The following TANC1 variants were observed in gnomAD, a reference collection of about 807,000 sequenced individuals.
TANC1 encodes protein TANC1.
Under a neutral mutation model 149.7 loss-of-function variants are expected in TANC1, and 77 were observed. That is an observed-to-expected ratio of 0.51 (90% confidence interval 0.43 to 0.62). The LOEUF (loss-of-function observed/expected upper bound fraction) is 0.62. TANC1 is among the 20% of genes least tolerant of loss of function. The pLI, the probability that TANC1 is intolerant of heterozygous loss-of-function variation, is 0.00. For synonymous variants in TANC1, 854 were observed against 925.0 expected (o/e 0.92, Z 1.39); for missense variants, 1,985 against 2,321.8 (o/e 0.85, Z 2.98).
At chr2:159,095,199 G>C (rs1454304621) in intron 3 of TANC1, among the ~76,000 whole-genome samples, 4 of 152,040 alleles carry the variant, frequency 2.6e-5, no homozygotes, top group Non-Finnish European at 4.4e-5. Context: ...GCTTGCTTCG[G>C]CCTCCCAAAA....
chr2:159,103,328 T>TC (rs1348599180), intron 4 of TANC1, among the ~76,000 whole-genome samples: 1 of 95,978 alleles, frequency 1.0e-5, no homozygotes, highest in African/African-American at 2.9e-5. Flanking sequence ...AGTGCCCACT[T>TC]CCTTTCCAGA....
intron 1 of TANC1, among the ~76,000 whole-genome samples, chr2:158,996,014 TTCTG>T (rs770017972): frequency 3.3e-5 from 5 of 152,226 alleles, no homozygotes; most frequent in East Asian, 1.9e-4. Flanking sequence ...CACAGCAGTC[TTCTG>T]TCTGTTACTT....
At chr2:159,169,973 A>G (rs185770894) in intron 9 of TANC1, among the ~76,000 whole-genome samples, 221 of 151,910 alleles carry the variant, frequency 1.5e-3, no homozygotes, top group Non-Finnish European at 2.4e-3. Flanking sequence ...AGCCTGGGCA[A>G]CAAGAGTGAA....
chr2:159,174,993 C>T lies in TANC1; in HGVS notation c.1544C>T (p.Thr515Ile). The change falls in exon 12 of 27, where the codon ACT (threonine) becomes ATT (isoleucine). Residue 515 changes from threonine (T) to isoleucine (I), a missense_variant. By Grantham distance (89) the Thr-to-Ile change is moderately conservative. This residue lies in a region of TANC1 where 508 missense variants were observed against 714.2 expected (regional missense o/e 0.71). Transcript: ENST00000263635. ...TACTGCCAGGCTGACAACACGTACA[C>T]TTGCCTGGTGCCCGAGTTTGTGCAC... ...YHYCQADNTY[T>I]CLVPEFVHSI... 6.2e-7 allele frequency: 1 copy of T among 1,614,192 alleles called. No individual in the cohort carries two copies. The highest frequency in any genetic ancestry group is 8.5e-7 in the Non-Finnish European group (1 of 1,180,042).
At chr2:159,145,404 C>A (rs1323626096) in intron 5 of TANC1, among the ~76,000 whole-genome samples, 3 of 152,310 alleles carry the variant, frequency 2.0e-5, no homozygotes, top group Non-Finnish European at 1.5e-5. Context: ...CTGTTTCTCA[C>A]ACACATTGGT....
At chr2:159,095,731 CT>C (rs1350075776) in intron 3 of TANC1, among the ~76,000 whole-genome samples, 1 of 38,712 alleles carries the variant, frequency 2.6e-5, no homozygotes, top group South Asian at 1.4e-3. Context: ...GCAAGACTGT[CT>C]CAAAAAAAAA....
chr2:159,176,907 ATTTTT>A (rs10647127), intron 13 of TANC1, among the ~76,000 whole-genome samples: 1 of 101,986 alleles, frequency 9.8e-6, no homozygotes, highest in East Asian at 3.2e-4. Flanking sequence ...AAGGTGAAAG[ATTTTT>A]TTTTTTTTTT....
In TANC1 at chr2:159,136,188, C is replaced by T. The variant is rs2288105; in HGVS notation, c.260-6C>T. ...ATTAGCCACACTCAGATCTTTCCCA[C>T]TACAGGTCCCGTCAGGAAGCCCAAG... is the stretch of plus-strand genomic sequence containing the variant. On this transcript the variant is annotated splice_region_variant and splice_polypyrimidine_tract_variant and intron_variant, in intron 4 of 26. Transcript: ENST00000263635. 169,522 of 1,566,156 alleles carry T rather than the reference C, an allele frequency of 0.11. 14,434 individuals are homozygous for T. The highest frequency in any genetic ancestry group is 0.49 in the East Asian group (22,060 of 44,662).
At chr2:159,033,514 G>A (rs1304777965) in intron 2 of TANC1, among the ~76,000 whole-genome samples, 1 of 152,162 alleles carries the variant, frequency 6.6e-6, no homozygotes, top group African/African-American at 2.4e-5. Context: ...TAGTACAGAT[G>A]GGATACACTT....
intron 19 of TANC1, among the ~76,000 whole-genome samples, chr2:159,214,782 G>A (rs962031970): frequency 1.3e-5 from 2 of 152,160 alleles, no homozygotes; most frequent in African/African-American, 2.4e-5. Flanking sequence ...GTCCACCACC[G>A]CTTTAGTGCT....
At chr2:159,079,547 G>C (rs1378948173) in intron 3 of TANC1, among the ~76,000 whole-genome samples, 3 of 152,094 alleles carry the variant, frequency 2.0e-5, no homozygotes, top group African/African-American at 4.8e-5. Flanking sequence ...CAGCCAGGCT[G>C]CTTGGGTTCA....
intron 2 of TANC1, among the ~76,000 whole-genome samples, chr2:159,047,363 T>C (rs1460687448): frequency 6.6e-6 from 1 of 152,058 alleles, no homozygotes; most frequent in Admixed American, 6.5e-5. Context: ...GCTGATTACA[T>C]TTTATCTTAA....
chr2:159,099,238 T>G (rs1043556873), intron 4 of TANC1, among the ~76,000 whole-genome samples: 4 of 152,312 alleles, frequency 2.6e-5, no homozygotes, highest in Admixed American at 1.3e-4. Flanking sequence ...TAATTTCCTG[T>G]GCCAAGGAAT....
At chr2:159,205,376 A>G (rs1258698145) in intron 19 of TANC1, among the ~76,000 whole-genome samples, 12 of 152,224 alleles carry the variant, frequency 7.9e-5, no homozygotes, top group East Asian at 1.9e-4. Flanking sequence ...AAGAATGTAA[A>G]ATAAATGTCA....
At chr2:159,217,000 C>T (rs907141054) in intron 19 of TANC1, among the ~76,000 whole-genome samples, 7 of 152,200 alleles carry the variant, frequency 4.6e-5, no homozygotes, top group African/African-American at 1.7e-4. Context: ...CAAAACTTAG[C>T]CACCTCTGAA....
chr2:159,141,087 T>C (rs2051321680), intron 5 of TANC1, among the ~76,000 whole-genome samples: 1 of 152,224 alleles, frequency 6.6e-6, no homozygotes, highest in African/African-American at 2.4e-5. Flanking sequence ...AAAAATACCA[T>C]AAACTGAGTG....
chr2:159,228,025 T>TGGA, intron 25 of TANC1, 60 bp downstream of exon 25: 1 of 1,554,890 alleles, frequency 6.4e-7, no homozygotes, highest in Non-Finnish European at 8.7e-7. Context: ...TCTCCAGCAG[T>TGGA]GAAGGCCAGC....
intron 4 of TANC1, 145 bp from the exon 5 acceptor site, chr2:159,136,049 T>TGTGTGC (rs758453978): frequency 1.6e-4 from 15 of 91,592 alleles, no homozygotes; most frequent in African/African-American, 9.0e-4. Context: ...TGTGTGTGTG[T>TGTGTGC]GCGCGCGCGC....
intron 4 of TANC1, among the ~76,000 whole-genome samples, chr2:159,117,650 C>A (rs1313273683): frequency 6.6e-6 from 1 of 151,114 alleles, no homozygotes; most frequent in Non-Finnish European, 1.5e-5. Context: ...CCTGCCTCGG[C>A]CTCCCAAAGT....
Sources: allele counts gnomAD v4.1 joint callset (sites outside exome capture counted in the v4.1 genomes callset), GRCh38; gene constraint gnomAD v4.1.1; regional missense constraint gnomAD v4.1.1; transcripts MANE v1.5; gene names NCBI Gene and HGNC (gene_info 2026-07-23, HGNC 2026-07-21).